The following DLGAP2 variants were observed in gnomAD, a reference collection of about 807,000 sequenced individuals.
DLGAP2 encodes the protein disks large-associated protein 2.
A neutral mutation model predicts 100.3 loss-of-function variants in DLGAP2; 26 were observed. The ratio of observed to expected loss-of-function variants is 0.26; its 90% CI spans 0.19 to 0.36. DLGAP2 has a LOEUF of 0.36. DLGAP2 is among the 10% of genes least tolerant of loss of function. DLGAP2 has a pLI of 1.00. For missense variants in DLGAP2, 1,858 were observed against 1,453.2 expected (o/e 1.28, Z -4.53); for synonymous variants, 886 against 630.1 (o/e 1.41, Z -6.08).
intron 3 of DLGAP2, among the ~76,000 whole-genome samples, chr8:1,494,043 G>GT (rs11448401): frequency 3.3e-5 from 5 of 149,784 alleles, no homozygotes; most frequent in Admixed American, 1.3e-4. Flanking sequence ...ATTCTGCATC[G>GT]GGGGGGGCAG....
At chr8:1,538,275 A>G (rs1238629012) in intron 4 of DLGAP2, among the ~76,000 whole-genome samples, 3 of 152,130 alleles carry the variant, frequency 2.0e-5, no homozygotes, top group Admixed American at 2.0e-4. Context: ...AAATCTCTAT[A>G]GTGTGTTCAA....
At chr8:1,593,512 A>G (rs1796353242) in intron 6 of DLGAP2, among the ~76,000 whole-genome samples, 1 of 152,128 alleles carries the variant, frequency 6.6e-6, no homozygotes, top group Admixed American at 6.5e-5. Flanking sequence ...CACTAATTGA[A>G]AATCTCCTGC....
At chr8:759,884 C>T (rs1821035850) in intron 1 of DLGAP2, among the ~76,000 whole-genome samples, 1 of 152,194 alleles carries the variant, frequency 6.6e-6, no homozygotes, top group African/African-American at 2.4e-5. Flanking sequence ...CAACTCTAGG[C>T]AGTGTCAGTT....
At chr8:1,643,706 C>A (rs369220398) in intron 8 of DLGAP2, among the ~76,000 whole-genome samples, 6 of 184 alleles carry the variant, frequency 0.033, 1 homozygote, top group African/African-American at 0.056. Context: ...TCACCCTCGA[C>A]CCCGCCGGCC....
In DLGAP2 at chr8:1,626,237, C is replaced by G. The variant is rs1359203492; in HGVS notation, c.1443-503C>G. Among the ~76,000 whole-genome samples the G allele has an allele frequency of 5.5e-5, 7 of 128,284 alleles. 1 individual carries two copies. The highest frequency in any genetic ancestry group is 2.0e-4 in the African/African-American group (6 of 30,050). The allele number at this position is 128,284 out of a possible 152,430, so 84.2% of individuals were successfully genotyped here. On this transcript the variant is annotated intron_variant, in intron 6 of 14. Coordinates refer to ENST00000637795, the MANE Select transcript of DLGAP2 (RefSeq NM_001346810.2). ...GTGGGTTGGACGGCTGTTCCCATCT[C>G]TACCCTGCAGCGGGTGCTCACCCTC...
At chr8:1,440,731 C>T (rs1375171393) in intron 3 of DLGAP2, among the ~76,000 whole-genome samples, 1 of 152,186 alleles carries the variant, frequency 6.6e-6, no homozygotes, top group East Asian at 1.9e-4. Flanking sequence ...AGAGAAGCAA[C>T]CCCGACATTG....
At chr8:1,084,978 C>T (rs370520566) in intron 2 of DLGAP2, among the ~76,000 whole-genome samples, 2 of 152,210 alleles carry the variant, frequency 1.3e-5, no homozygotes, top group Admixed American at 1.3e-4. Context: ...AATTTACATT[C>T]CCACTAACAG....
intron 2 of DLGAP2, among the ~76,000 whole-genome samples, chr8:1,200,896 G>T (rs1797856325): frequency 6.6e-6 from 1 of 152,232 alleles, no homozygotes; most frequent in South Asian, 2.1e-4. Flanking sequence ...CCCGTGCTCG[G>T]TTTCTCCACG....
At chr8:1,564,011 G>A (rs187722020) in intron 5 of DLGAP2, among the ~76,000 whole-genome samples, 2 of 152,240 alleles carry the variant, frequency 1.3e-5, no homozygotes, top group Admixed American at 6.5e-5. Flanking sequence ...ACAGCATTTG[G>A]GGAGATTCTC....
At chr8:971,660 A>C (rs1199402536) in intron 2 of DLGAP2, among the ~76,000 whole-genome samples, 2 of 152,202 alleles carry the variant, frequency 1.3e-5, no homozygotes, top group Admixed American at 6.5e-5. Flanking sequence ...TCATAGAAAA[A>C]TACCCGCATA....
chr8:1,251,157 C>T (rs1356459143), intron 2 of DLGAP2, among the ~76,000 whole-genome samples: 2 of 152,202 alleles, frequency 1.3e-5, no homozygotes, highest in African/African-American at 4.8e-5. Flanking sequence ...ATCATTACCA[C>T]AATTTCTCCC....
At chr8:1,315,955 A>G (rs1440671448) in intron 3 of DLGAP2, among the ~76,000 whole-genome samples, 9 of 135,482 alleles carry the variant, frequency 6.6e-5, no homozygotes, top group African/African-American at 2.1e-4. Context: ...AGTGGTCTAC[A>G]CTCGAGAAAC....
intron 8 of DLGAP2, among the ~76,000 whole-genome samples, chr8:1,662,144 C>A (rs1329514749): frequency 6.6e-6 from 1 of 152,216 alleles, no homozygotes; most frequent in African/African-American, 2.4e-5. Context: ...TTCCTATGAA[C>A]CAGGAAAATA....
At position 1,092,625 on chromosome 8, in the gene DLGAP2, G is replaced by T. The variant is rs543891395; in HGVS notation, c.74-166226G>T. On this transcript the variant is annotated intron_variant, in intron 2 of 14. Coordinates refer to ENST00000637795, the MANE Select transcript of DLGAP2 (RefSeq NM_001346810.2). ...CCTCTCCAGGGACAGAGCCTTCAAG[G>T]CTGCAGACATTGATTGGATCTTGTA... Among the ~76,000 whole-genome samples, 5 of 152,342 alleles carry T rather than the reference G, an allele frequency of 3.3e-5. No homozygotes were observed. The South Asian group carries it at 1.0e-3, about 32-fold the overall frequency.
At chr8:1,454,087 A>C (rs867497217) in intron 3 of DLGAP2, among the ~76,000 whole-genome samples, 1 of 152,378 alleles carries the variant, frequency 6.6e-6, no homozygotes, top group African/African-American at 2.4e-5. Context: ...CTGAGGCACG[A>C]TGAAGCCATG....
chr8:1,510,642 C>T (rs1800129132), intron 4 of DLGAP2, among the ~76,000 whole-genome samples: 1 of 152,220 alleles, frequency 6.6e-6, no homozygotes, highest in Non-Finnish European at 1.5e-5. Context: ...CGCGCATTCT[C>T]ATTCTGCAGG....
At chr8:1,153,574 T>G (rs1414364189) in intron 2 of DLGAP2, among the ~76,000 whole-genome samples, 1 of 152,206 alleles carries the variant, frequency 6.6e-6, no homozygotes, top group East Asian at 1.9e-4. Context: ...TATCCTCTTT[T>G]TCATTAGAGT....
chr8:874,423 G>A (rs975073205), intron 1 of DLGAP2, among the ~76,000 whole-genome samples: 3 of 152,056 alleles, frequency 2.0e-5, no homozygotes, highest in African/African-American at 7.2e-5. Context: ...TAACCTCAAA[G>A]TATTTTCTAA....
intron 3 of DLGAP2, among the ~76,000 whole-genome samples, chr8:1,279,574 C>T (rs1799774597): frequency 6.6e-6 from 1 of 152,202 alleles, no homozygotes; most frequent in South Asian, 2.1e-4. Context: ...GAAAACAACA[C>T]ACATGTGTCA....
Sources: allele counts gnomAD v4.1 joint callset (sites outside exome capture counted in the v4.1 genomes callset), GRCh38; gene constraint gnomAD v4.1.1; transcripts MANE v1.5; gene names NCBI Gene and HGNC (gene_info 2026-07-23, HGNC 2026-07-21).